PPP1R16A: variants seen among roughly 807,000 people sequenced by gnomAD.
PPP1R16A encodes protein phosphatase 1 regulatory subunit 16A.
PPP1R16A carries 39 observed loss-of-function variants against 46.6 expected under a neutral mutation model. The observed-to-expected ratio is 0.84, with a 90% CI of 0.65 to 1.09. The LOEUF (loss-of-function observed/expected upper bound fraction) is 1.09. Ranked by LOEUF, PPP1R16A falls within the 50% of genes least tolerant of loss-of-function variation. The pLI, the probability that PPP1R16A is intolerant of heterozygous loss-of-function variation, is 0.00. For synonymous variants in PPP1R16A, 413 were observed against 321.5 expected, an observed-to-expected ratio of 1.28 and a Z score of -3.04; for missense variants, 798 against 735.6, an observed-to-expected ratio of 1.08 and a Z score of -0.98.
Position 144,500,832 on chromosome 8 carries a change from CACT to C in PPP1R16A, c.908-9_908-7del, listed in dbSNP as rs542669955. ...GGAGGGCGCCCCTGACGCCTGCGCC[CACT>C]TCTCAGATGTGTGCGGGGACGAGGA... On this transcript the variant is annotated splice_region_variant and splice_polypyrimidine_tract_variant and intron_variant, in intron 9 of 11. Coordinates refer to ENST00000435887, the MANE Select transcript of PPP1R16A (RefSeq NM_001329443.2). The C allele has an allele frequency of 1.9e-3, 3,052 of 1,586,268 alleles. 10 individuals carry two copies. The highest frequency in any genetic ancestry group is 6.4e-3 in the Admixed American group (359 of 56,254).
chr8:144,488,020 A>C (rs1586742240), intron 1 of PPP1R16A, among the ~76,000 whole-genome samples: 1 of 152,242 alleles, frequency 6.6e-6, no homozygotes, highest in Non-Finnish European at 1.5e-5. Flanking sequence ...TACTCTGTAC[A>C]TCTTTTGTTA....
intron 3 of PPP1R16A, 148 bp downstream of exon 3, chr8:144,497,601 T>G (rs770953415): frequency 1.7e-6 from 2 of 1,159,716 alleles, no homozygotes; most frequent in Non-Finnish European, 2.5e-6. Context: ...TCAGGCTGGG[T>G]GGCCCAGGGT....
Position 144,501,895 on chromosome 8 carries a change from C to G in PPP1R16A, c.1579C>G (p.Leu527Val). The G allele has an allele frequency of 6.6e-7, 1 of 1,526,594 alleles. No homozygotes were observed. The highest frequency in any genetic ancestry group is 8.8e-7 in the Non-Finnish European group (1 of 1,137,142). 94.6% of individuals were successfully genotyped at this position (1,526,594 alleles called of 1,614,324 possible). Residue 527 changes from leucine to valine, a missense_variant, in exon 12 of 12, where the codon CTC (leucine) becomes GTC (valine). By Grantham distance (32) the Leu-to-Val change is conservative. Coordinates refer to ENST00000435887, the MANE Select transcript of PPP1R16A (RefSeq NM_001329443.2). Reference sequence around the variant, plus strand: ...CGTGGAGAGGAGGCCGTGCTGCCTGCTCATGTGAGGCTGTTGCTCAGCATG... The same window carrying G: ...CGTGGAGAGGAGGCCGTGCTGCCTGGTCATGTGAGGCTGTTGCTCAGCATG... ...APVERRPCCLLM is the reference protein window; with the variant it reads ...APVERRPCCLVM
Position 144,501,304 on chromosome 8 carries a change from C to T in PPP1R16A, c.1203+10C>T. 1 of 1,569,226 alleles carries T rather than the reference C, an allele frequency of 6.4e-7. No individual in the cohort carries two copies. Among genetic ancestry groups the T allele is most frequent in the Non-Finnish European group, 8.6e-7 (1 of 1,163,408 alleles). On this transcript the variant is annotated intron_variant, in intron 11 of 11. Coordinates refer to ENST00000435887, the MANE Select transcript of PPP1R16A (RefSeq NM_001329443.2). ...GCCGCCGCCCCCGGAGGTGAGCGCC[C>T]CGTCCCTGCTCCGCCCAGCGCAGGG... is the stretch of plus-strand genomic sequence containing the variant.
chr8:144,497,925 G>T, intron 3 of PPP1R16A: 1 of 407,760 alleles, frequency 2.5e-6, no homozygotes, highest in Non-Finnish European at 5.0e-6. Context: ...TATGCAGGTG[G>T]CCCCCTCTCA....
At chr8:144,499,821 A>T in intron 5 of PPP1R16A, 1 of 444,046 alleles carries the variant, frequency 2.3e-6, no homozygotes, top group Non-Finnish European at 4.1e-6. Flanking sequence ...AGGCAGGCCC[A>T]TCCAATGCAT....
intron 1 of PPP1R16A, among the ~76,000 whole-genome samples, chr8:144,483,251 G>A (rs1825509646): frequency 6.6e-6 from 1 of 152,194 alleles, no homozygotes. Context: ...TGTGGGTCCA[G>A]TGTCCCAATT....
Position 144,497,407 on chromosome 8 carries a change from C to A in PPP1R16A, c.213C>A (p.Pro71=), listed in dbSNP as rs750416052. The A allele has an allele frequency of 1.2e-6, 2 of 1,612,938 alleles. No homozygotes were observed. Among genetic ancestry groups the A allele is most frequent in the Non-Finnish European group, 1.7e-6 (2 of 1,180,020 alleles). ...QGLLKQVLFP[P]SVVLLEAAAR... ...TCCTGAAGCAGGTCCTCTTCCCTCCCAGTGTTGTCCTTCTGGAGGCCGCTG... is the reference window on the plus strand; with the variant it reads ...TCCTGAAGCAGGTCCTCTTCCCTCCAAGTGTTGTCCTTCTGGAGGCCGCTG... The change falls in exon 3 of 12, where the codon CCC becomes CCA. Residue 71 remains proline, a synonymous_variant. Transcript: ENST00000435887.
At position 144,501,302 on chromosome 8, in the gene PPP1R16A, C is replaced by A. The variant is rs1033028164; in HGVS notation, c.1203+8C>A. 4 of 1,571,118 alleles carry A rather than the reference C, an allele frequency of 2.5e-6. No homozygotes were observed. The highest frequency in any genetic ancestry group is 3.4e-6 in the Non-Finnish European group (4 of 1,164,446). On this transcript the variant is annotated splice_region_variant and intron_variant, in intron 11 of 11. Coordinates refer to ENST00000435887, the MANE Select transcript of PPP1R16A (RefSeq NM_001329443.2). ...AGGCCGCCGCCCCCGGAGGTGAGCG[C>A]CCCGTCCCTGCTCCGCCCAGCGCAG...
rs758051064 is a variant in PPP1R16A, at chr8:144,500,495, C to A, written c.714C>A (p.Val238=). 1 of 1,583,588 alleles carries A rather than the reference C, an allele frequency of 6.3e-7. No homozygotes were observed. The change falls in exon 8 of 12, where the codon GTC becomes GTA. Residue 238 remains valine (V), a synonymous_variant. Coordinates refer to ENST00000435887, the MANE Select transcript of PPP1R16A (RefSeq NM_001329443.2). Reference sequence around the variant, plus strand: ...CGGGCGCTTGCCTGCAGCTGCACGTCGCAGCCGCCAACGGGTTCAGCGAGG... The same window carrying A: ...CGGGCGCTTGCCTGCAGCTGCACGTAGCAGCCGCCAACGGGTTCAGCGAGG... ...PLDHGATLLH[V]AAANGFSEAA...
chr8:144,478,398 A>G (rs536341315), intron 1 of PPP1R16A: 1 of 333,302 alleles, frequency 3.0e-6, no homozygotes, highest in Non-Finnish European at 5.4e-6. Flanking sequence ...CGCCCAGGGC[A>G]CAGGTCCCGC....
Position 144,501,201 on chromosome 8 carries a change from C to G in PPP1R16A, c.1110C>G (p.Ile370Met). Residue 370 changes from isoleucine (I) to methionine (M), a missense_variant, in exon 11 of 12, where the codon ATC (isoleucine) becomes ATG (methionine). By Grantham distance (10) the Ile-to-Met change is conservative (BLOSUM62 1). Transcript: ENST00000435887. ...LYRKQHAQEA[I>M]VWQQPPPTSP... ...GCAAGCAGCACGCCCAGGAGGCCAT[C>G]GTGTGGCAACAGCCGCCGCCCACCA... is the stretch of plus-strand genomic sequence containing the variant. The G allele has an allele frequency of 6.2e-7, 1 of 1,609,572 alleles. No individual in the cohort carries two copies. Among genetic ancestry groups the G allele is most frequent in the Non-Finnish European group, 8.5e-7 (1 of 1,179,614 alleles).
At position 144,490,055 on chromosome 8, in the gene PPP1R16A, G is replaced by T. The variant is rs1825755551; in HGVS notation, c.-892G>T. ...CCAGGTACTGGCACACGGATGAGGA[G>T]TCGTAGAAGAGGGGCCTGCAGATTG... On this transcript the variant is annotated 5_prime_UTR_variant, in exon 2 of 12. Transcript: ENST00000435887. 1 of 152,434 alleles carries T rather than the reference G, an allele frequency of 6.6e-6. No homozygotes were observed. Among genetic ancestry groups the T allele is most frequent in the Non-Finnish European group, 1.5e-5 (1 of 68,102 alleles). 9.4% of individuals were successfully genotyped at this position (152,434 alleles called of 1,614,324 possible).
At chr8:144,499,802 CTCCCCAGCAGGCA>C in intron 5 of PPP1R16A, 1 of 390,720 alleles carries the variant, frequency 2.6e-6, no homozygotes, top group African/African-American at 2.0e-5. Flanking sequence ...GTGCTCCCTG[CTCCCCAGCAGGCA>C]GGCCCATCCA....
At chr8:144,488,105 CT>C (rs1408119225) in intron 1 of PPP1R16A, among the ~76,000 whole-genome samples, 1 of 152,236 alleles carries the variant, frequency 6.6e-6, no homozygotes, top group Non-Finnish European at 1.5e-5. Flanking sequence ...ACATCCTCCC[CT>C]GACAGCCTCT....
At chr8:144,479,515 G>T (rs1439763248) in intron 1 of PPP1R16A, among the ~76,000 whole-genome samples, 2 of 152,114 alleles carry the variant, frequency 1.3e-5, no homozygotes, top group Non-Finnish European at 1.5e-5. Context: ...GCTTTGCCCC[G>T]AGGGTTGCCT....
chr8:144,481,785 T>G (rs547828923), intron 1 of PPP1R16A, among the ~76,000 whole-genome samples: 12 of 152,210 alleles, frequency 7.9e-5, no homozygotes, highest in Non-Finnish European at 1.6e-4. Flanking sequence ...TTTTTTCTTT[T>G]TTGTTTTTTT....
chr8:144,482,569 C>G (rs1474859399), intron 1 of PPP1R16A, among the ~76,000 whole-genome samples: 1 of 151,916 alleles, frequency 6.6e-6, no homozygotes, highest in Admixed American at 6.6e-5. Context: ...TTCTCCCTGC[C>G]TCAACCTCCC....
chr8:144,501,644 C>T lies in PPP1R16A; in HGVS notation c.1328C>T (p.Thr443Ile), dbSNP rs139247503. The change falls in exon 12 of 12, where the codon ACC becomes ATC. Residue 443 changes from threonine to isoleucine, a missense_variant. Thr to Ile is a moderately conservative substitution (Grantham distance 89, BLOSUM62 -1). Coordinates refer to ENST00000435887, the MANE Select transcript of PPP1R16A (RefSeq NM_001329443.2). ...SYQLSPLDST[T>I]PHTLVHDKAH... is the part of the protein sequence containing the mutation. Reference sequence around the variant, plus strand: ...CAGCTGAGCCCCCTGGACAGCACCACCCCCCACACCCTGGTCCACGACAAG... The same window carrying T: ...CAGCTGAGCCCCCTGGACAGCACCATCCCCCACACCCTGGTCCACGACAAG... The T allele has an allele frequency of 6.5e-4, 1,047 of 1,610,548 alleles. No homozygotes were observed. Among genetic ancestry groups the T allele is most frequent in the Non-Finnish European group, 8.4e-4 (989 of 1,178,908 alleles).
Sources: gnomAD v4.1 joint callset for allele counts (sites outside exome capture counted in the v4.1 genomes callset) on GRCh38, gnomAD v4.1.1 for gene constraint, MANE v1.5 for transcripts, NCBI Gene and HGNC (gene_info 2026-07-23, HGNC 2026-07-21) for gene names.